The following PTPRO variants were observed in gnomAD, a reference collection of about 807,000 sequenced individuals.
PTPRO encodes the protein protein tyrosine phosphatase receptor type O.
A neutral mutation model predicts 145.2 loss-of-function variants in PTPRO; 62 were observed. The observed-to-expected ratio is 0.43, with a 90% CI of 0.35 to 0.53. The LOEUF is 0.53. Ranked by LOEUF, PTPRO falls within the 20% of genes least tolerant of loss-of-function variation. PTPRO has a pLI of 0.01. For missense variants in PTPRO, 1,345 were observed against 1,482.7 expected, an observed-to-expected ratio of 0.91 and a Z score of 1.53; for synonymous variants, 565 against 514.7, an observed-to-expected ratio of 1.10 and a Z score of -1.32.
chr12:15,377,081 T>C (rs1591756856), intron 1 of PTPRO, among the ~76,000 whole-genome samples: 2 of 152,292 alleles, frequency 1.3e-5, no homozygotes, highest in South Asian at 4.1e-4. Flanking sequence ...AGTAGAGCTA[T>C]ACTGGAGTAA....
At chr12:15,586,871 C>A in intron 23 of PTPRO, 26 bp from the exon 24 acceptor site, 1 of 1,613,760 alleles carries the variant, frequency 6.2e-7, no homozygotes, top group Non-Finnish European at 8.5e-7. Context: ...AAAATTAATG[C>A]TTGTTTTTGG....
intron 7 of PTPRO, among the ~76,000 whole-genome samples, chr12:15,514,235 G>A (rs1354442983): frequency 2.0e-5 from 3 of 152,066 alleles, no homozygotes; most frequent in Non-Finnish European, 4.4e-5. Context: ...TGGATCACCT[G>A]AGGTCAGGAG....
chr12:15,447,186 A>T (rs1940923392), intron 1 of PTPRO, among the ~76,000 whole-genome samples: 1 of 152,212 alleles, frequency 6.6e-6, no homozygotes, highest in South Asian at 2.1e-4. Flanking sequence ...CAAGTGAAAT[A>T]GAATAACAAC....
intron 25 of PTPRO, among the ~76,000 whole-genome samples, chr12:15,592,808 T>C (rs1944580927): frequency 6.6e-6 from 1 of 152,264 alleles, no homozygotes; most frequent in Non-Finnish European, 1.5e-5. Context: ...GTGCTACTTA[T>C]GAATGATGTT....
At chr12:15,547,383 T>A (rs1943322198) in intron 13 of PTPRO, among the ~76,000 whole-genome samples, 1 of 152,192 alleles carries the variant, frequency 6.6e-6, no homozygotes, top group Admixed American at 6.5e-5. Context: ...GGAAAAAATA[T>A]TTCACAGCCA....
At chr12:15,503,052 A>G (rs1204466147) in intron 5 of PTPRO, among the ~76,000 whole-genome samples, 3 of 152,178 alleles carry the variant, frequency 2.0e-5, no homozygotes, top group Non-Finnish European at 2.9e-5. Flanking sequence ...TATTACATAA[A>G]ATGAAAATTC....
chr12:15,389,921 C>T (rs983272098), intron 1 of PTPRO, among the ~76,000 whole-genome samples: 2 of 152,268 alleles, frequency 1.3e-5, no homozygotes, highest in East Asian at 3.9e-4. Context: ...TTGTTTTAAT[C>T]TAGATCCCAC....
chr12:15,408,230 A>T (rs1269333030), intron 1 of PTPRO, among the ~76,000 whole-genome samples: 12 of 152,046 alleles, frequency 7.9e-5, no homozygotes, highest in Admixed American at 7.9e-4. Flanking sequence ...ATTATGCCAC[A>T]TTGGAAAAAG....
chr12:15,552,555 C>G (rs1394406165), intron 15 of PTPRO, among the ~76,000 whole-genome samples: 1 of 152,082 alleles, frequency 6.6e-6, no homozygotes, highest in South Asian at 2.1e-4. Flanking sequence ...CCACTAGGAG[C>G]TTACTTACCT....
chr12:15,563,844 G>A (rs535684523), intron 17 of PTPRO, among the ~76,000 whole-genome samples: 2 of 152,256 alleles, frequency 1.3e-5, no homozygotes, highest in African/African-American at 4.8e-5. Flanking sequence ...ATCACAAAAT[G>A]TGTTGGCAGC....
At chr12:15,574,670 GTTTGAATAAACCCCCTTTCCTTTA>G in intron 19 of PTPRO, among the ~76,000 whole-genome samples, 1 of 152,198 alleles carries the variant, frequency 6.6e-6, no homozygotes, top group African/African-American at 2.4e-5. Context: ...TCTTAGTATT[GTTTGAATAAACCCCCTTTCCTTTA>G]GTCTAAACTA....
intron 1 of PTPRO, among the ~76,000 whole-genome samples, chr12:15,482,975 G>A (rs1486611701): frequency 6.6e-6 from 1 of 152,102 alleles, no homozygotes; most frequent in Non-Finnish European, 1.5e-5. Flanking sequence ...ATCTCATGAG[G>A]TTATTTTCAA....
At chr12:15,421,138 C>T (rs1306241499) in intron 1 of PTPRO, among the ~76,000 whole-genome samples, 1 of 152,148 alleles carries the variant, frequency 6.6e-6, no homozygotes, top group East Asian at 1.9e-4. Context: ...TCATCAGTTT[C>T]CCTTTAAATG....
intron 1 of PTPRO, among the ~76,000 whole-genome samples, chr12:15,443,588 C>A (rs1290662095): frequency 1.3e-5 from 2 of 152,054 alleles, no homozygotes; most frequent in Non-Finnish European, 2.9e-5. Flanking sequence ...AAAATGTTCA[C>A]AAACTGCACC....
chr12:15,564,136 A>T (rs769055911), intron 17 of PTPRO, among the ~76,000 whole-genome samples: 7 of 152,178 alleles, frequency 4.6e-5, no homozygotes, highest in Non-Finnish European at 8.8e-5. Context: ...TCAAGTGTGG[A>T]AGACAAAGAG....
chr12:15,453,546 C>T lies in PTPRO; in HGVS notation c.76-30428C>T, dbSNP rs558645289. Among the ~76,000 whole-genome samples the T allele has an allele frequency of 2.6e-5, 4 of 152,246 alleles. No homozygotes were observed. The South Asian group carries it at 6.2e-4, about 24-fold the overall frequency. ...AGTGAACAAATACACTTTTCTATAG[C>T]AAGCATAATCTAGCAAATACTACCT... On this transcript the variant is annotated intron_variant, in intron 1 of 26. Coordinates refer to ENST00000281171, the MANE Select transcript of PTPRO (RefSeq NM_030667.3).
In PTPRO at chr12:15,499,500, T is replaced by C; in HGVS notation, c.567T>C (p.Asn189=). ...NHWLPGMCYS[N]ITFQLVSEAT... is the part of the protein sequence containing the mutation. ...GGCTGCCAGGAATGTGTTATAGTAA[T>C]ATCACCTTTCAGCTGGTATCTGAGG... Residue 189 remains asparagine, a synonymous_variant, in exon 4 of 27, where the codon AAT becomes AAC. Transcript: ENST00000281171. 3 of 1,613,648 alleles carry C rather than the reference T, an allele frequency of 1.9e-6. No individual in the cohort carries two copies. Among genetic ancestry groups the C allele is most frequent in the Non-Finnish European group, 2.5e-6 (3 of 1,179,602 alleles).
At chr12:15,489,367 C>G (rs1440097330) in intron 2 of PTPRO, among the ~76,000 whole-genome samples, 2 of 152,166 alleles carry the variant, frequency 1.3e-5, no homozygotes, top group Admixed American at 1.3e-4. Context: ...ATAAGCAGAG[C>G]AGCCCAAGGA....
chr12:15,594,543 A>G (rs1350519941), intron 25 of PTPRO, among the ~76,000 whole-genome samples: 7 of 151,890 alleles, frequency 4.6e-5, no homozygotes, highest in Non-Finnish European at 8.8e-5. Flanking sequence ...ATATATGTAT[A>G]TATACACACA....
Sources: gnomAD v4.1 joint callset for allele counts (sites outside exome capture counted in the v4.1 genomes callset) on GRCh38, gnomAD v4.1.1 for gene constraint, MANE v1.5 for transcripts, NCBI Gene and HGNC (gene_info 2026-07-23, HGNC 2026-07-21) for gene names.